The following TMEM108 variants were observed in gnomAD, a reference collection of about 807,000 sequenced individuals.
TMEM108 encodes transmembrane protein 108.
In TMEM108, 12 loss-of-function variants were observed where a neutral mutation model predicts 35.1. The observed-to-expected ratio is 0.34, with a 90% CI of 0.22 to 0.55. The LOEUF (loss-of-function observed/expected upper bound fraction) is 0.55, where lower values mean the gene tolerates loss of function less well. TMEM108 is among the 20% of genes least tolerant of loss of function. TMEM108 has a pLI of 0.89. For synonymous variants in TMEM108, 287 were observed against 308.6 expected (o/e 0.93, Z 0.73); for missense variants, 680 against 753.3 (o/e 0.90, Z 1.14).
At chr3:133,354,172 C>T (rs950998218) in intron 3 of TMEM108, among the ~76,000 whole-genome samples, 2 of 152,120 alleles carry the variant, frequency 1.3e-5, no homozygotes, top group African/African-American at 4.8e-5. Flanking sequence ...TGTTATAAAC[C>T]ACCTTGAAGC....
At chr3:133,198,435 A>G (rs1945611731) in intron 2 of TMEM108, among the ~76,000 whole-genome samples, 1 of 152,194 alleles carries the variant, frequency 6.6e-6, no homozygotes, top group Non-Finnish European at 1.5e-5. Context: ...AGGATGGGGT[A>G]CCCCCTGGTT....
intron 3 of TMEM108, among the ~76,000 whole-genome samples, chr3:133,279,240 C>A (rs17297332): frequency 3.3e-5 from 5 of 152,152 alleles, no homozygotes; most frequent in Admixed American, 3.3e-4. Flanking sequence ...ACCTCCCCAT[C>A]ATCACTGTGG....
At chr3:133,282,105 C>T (rs1248559595) in intron 3 of TMEM108, among the ~76,000 whole-genome samples, 3 of 151,644 alleles carry the variant, frequency 2.0e-5, no homozygotes, top group Non-Finnish European at 2.9e-5. Context: ...TGCAGTGAGC[C>T]GAGATCACAC....
intron 2 of TMEM108, among the ~76,000 whole-genome samples, chr3:133,121,405 T>G (rs556662273): frequency 2.6e-5 from 4 of 152,342 alleles, no homozygotes; most frequent in African/African-American, 9.6e-5. Context: ...TCTTGACAGC[T>G]CTGGAGCAAA....
At chr3:133,093,945 A>T (rs1165950554) in intron 2 of TMEM108, among the ~76,000 whole-genome samples, 3 of 152,178 alleles carry the variant, frequency 2.0e-5, no homozygotes, top group Non-Finnish European at 4.4e-5. Flanking sequence ...TGCATTTATA[A>T]CATCAGTCAT....
chr3:133,364,888 G>C (rs146982458), intron 3 of TMEM108, among the ~76,000 whole-genome samples: 2 of 152,076 alleles, frequency 1.3e-5, no homozygotes, highest in Admixed American at 6.5e-5. Context: ...GGATCAGGCA[G>C]GGGGGGAAGT....
chr3:133,306,634 T>C (rs1406552807), intron 3 of TMEM108, among the ~76,000 whole-genome samples: 1 of 152,184 alleles, frequency 6.6e-6, no homozygotes, highest in Non-Finnish European at 1.5e-5. Flanking sequence ...TTTCTGTCCC[T>C]GTGATAGTTT....
At position 133,310,480 on chromosome 3, in the gene TMEM108, C is replaced by G. The variant is rs148814471; in HGVS notation, c.41-69272C>G. Among the ~76,000 whole-genome samples, 411 of 101,638 alleles carry G rather than the reference C, an allele frequency of 4.0e-3. 4 individuals carry two copies. The highest frequency in any genetic ancestry group is 0.014 in the African/African-American group (392 of 27,376). 66.7% of individuals were successfully genotyped at this position (101,638 alleles called of 152,430 possible). On this transcript the variant is annotated intron_variant, in intron 3 of 5. Transcript: ENST00000321871. ...AATGGCCTTCTTTGTCTCTTTTGGT[C>G]TTTGTTGGTTTAAAGTCTGTTTTAT...
chr3:133,234,756 T>C (rs1216767446), intron 3 of TMEM108, among the ~76,000 whole-genome samples: 2 of 152,124 alleles, frequency 1.3e-5, no homozygotes, highest in African/African-American at 4.8e-5. Flanking sequence ...GTCAGGGCAA[T>C]TAGGCAGGAG....
chr3:133,213,886 A>T (rs973415876), intron 2 of TMEM108, among the ~76,000 whole-genome samples: 2 of 152,208 alleles, frequency 1.3e-5, no homozygotes, highest in East Asian at 1.9e-4. Flanking sequence ...AGTATAACTT[A>T]TAAATAAGAC....
At chr3:133,180,064 G>T (rs993826535) in intron 2 of TMEM108, among the ~76,000 whole-genome samples, 1 of 151,996 alleles carries the variant, frequency 6.6e-6, no homozygotes, top group African/African-American at 2.4e-5. Context: ...TTGGATTAAG[G>T]CTTATAATAT....
At chr3:133,282,396 C>T (rs1389222991) in intron 3 of TMEM108, among the ~76,000 whole-genome samples, 1 of 152,160 alleles carries the variant, frequency 6.6e-6, no homozygotes, top group Admixed American at 6.5e-5. Flanking sequence ...CATGGAGCTC[C>T]CTGCTGGATT....
chr3:133,038,899 A>C (rs998172806), intron 1 of TMEM108, among the ~76,000 whole-genome samples: 3 of 152,172 alleles, frequency 2.0e-5, no homozygotes, highest in African/African-American at 4.8e-5. Flanking sequence ...TGCGGCCGCG[A>C]GCGGAGCCGA....
At chr3:133,046,289 G>C (rs1943339363) in intron 2 of TMEM108, among the ~76,000 whole-genome samples, 1 of 152,188 alleles carries the variant, frequency 6.6e-6, no homozygotes, top group Admixed American at 6.5e-5. Flanking sequence ...ATTTATATGG[G>C]AGGGGCTGTT....
At chr3:133,180,574 AC>A (rs1287450490) in intron 2 of TMEM108, among the ~76,000 whole-genome samples, 2 of 152,254 alleles carry the variant, frequency 1.3e-5, no homozygotes, top group African/African-American at 2.4e-5. Context: ...TCCACAAAAA[AC>A]CTTTCCCCAA....
intron 3 of TMEM108, among the ~76,000 whole-genome samples, chr3:133,289,440 G>A (rs1003418220): frequency 2.0e-5 from 3 of 152,136 alleles, no homozygotes; most frequent in African/African-American, 7.2e-5. Flanking sequence ...AGCAGTACTC[G>A]ACATCAGTCA....
At chr3:133,046,995 G>T (rs765511340) in intron 2 of TMEM108, among the ~76,000 whole-genome samples, 1 of 152,156 alleles carries the variant, frequency 6.6e-6, no homozygotes, top group Non-Finnish European at 1.5e-5. Flanking sequence ...GCCTCATGTG[G>T]CTCAGTAATG....
rs1037973155 is a variant in TMEM108 at position 133,366,314 on chromosome 3, C to A, written c.41-13438C>A. Among the ~76,000 whole-genome samples, 27 of 152,178 alleles carry A rather than the reference C, an allele frequency of 1.8e-4. 1 individual carries two copies. Among genetic ancestry groups the A allele is most frequent in the Admixed American group, 1.8e-3 (27 of 15,284 alleles). On this transcript the variant is annotated intron_variant, in intron 3 of 5. Coordinates refer to ENST00000321871, the MANE Select transcript of TMEM108 (RefSeq NM_023943.4). The stretch of plus-strand genomic sequence containing the variant: ...GGAATGAGATAGTAGCAGCTGAGAT[C>A]CATGGCTAAGATCAGGATACTAGTT...
At chr3:133,237,976 G>A (rs1946262879) in intron 3 of TMEM108, among the ~76,000 whole-genome samples, 1 of 152,128 alleles carries the variant, frequency 6.6e-6, no homozygotes, top group South Asian at 2.1e-4. Flanking sequence ...GGGGACATGA[G>A]ACCAAAATGT....
Sources: gnomAD v4.1 joint callset for allele counts (sites outside exome capture counted in the v4.1 genomes callset) on GRCh38, gnomAD v4.1.1 for gene constraint, MANE v1.5 for transcripts, NCBI Gene and HGNC (gene_info 2026-07-23, HGNC 2026-07-21) for gene names.